The following SLC27A1 variants were observed in gnomAD, a reference collection of about 807,000 sequenced individuals.
SLC27A1 encodes the protein long-chain fatty acid transport protein 1.
A neutral mutation model predicts 62.2 loss-of-function variants in SLC27A1; 61 were observed. The observed-to-expected ratio is 0.98, with a 90% CI of 0.80 to 1.21. The LOEUF (loss-of-function observed/expected upper bound fraction) is 1.21, where lower values mean the gene tolerates loss of function less well. Among genes scored for constraint, SLC27A1 ranks in the 50% most tolerant of loss-of-function variants. SLC27A1 has a pLI of 0.00. For missense variants in SLC27A1, 903 were observed against 932.1 expected, an observed-to-expected ratio of 0.97 and a Z score of 0.41; for synonymous variants, 435 against 408.6, an observed-to-expected ratio of 1.06 and a Z score of -0.78.
At chr19:17,484,256 A>G (rs1335850920) in intron 1 of SLC27A1, 1 of 152,206 alleles carries the variant, frequency 6.6e-6, no homozygotes, top group African/African-American at 2.4e-5. Flanking sequence ...AGAGGTAATA[A>G]ATGAACAAAG....
chr19:17,504,321 G>A, intron 11 of SLC27A1, 134 bp from the exon 12 acceptor site: 1 of 1,155,386 alleles, frequency 8.7e-7, no homozygotes, highest in Non-Finnish European at 1.2e-6. Flanking sequence ...GAATCAGGCA[G>A]GCAAAATGGG....
At chr19:17,477,062 T>C (rs1026755478) in intron 1 of SLC27A1, among the ~76,000 whole-genome samples, 2 of 151,658 alleles carry the variant, frequency 1.3e-5, no homozygotes, top group African/African-American at 2.4e-5. Flanking sequence ...CTAATTTTTG[T>C]ATTTTTAGTA....
Position 17,490,747 on chromosome 19 carries a change from G to T in SLC27A1, c.996+1630G>T, listed in dbSNP as rs529692716. On this transcript the variant is annotated intron_variant, in intron 6 of 11. Coordinates refer to ENST00000252595, the MANE Select transcript of SLC27A1 (RefSeq NM_198580.3). ...TAGCCATATTAAAGTGAAAAATTTG[G>T]CCAGGCACAGTGGCTCACGCCTGTA... Among the ~76,000 whole-genome samples the T allele has an allele frequency of 4.6e-5, 7 of 152,210 alleles. No individual in the cohort carries two copies. The East Asian group carries it at 9.6e-4, about 21-fold the overall frequency.
Position 17,501,362 on chromosome 19 carries a change from C to T in SLC27A1, c.1726C>T (p.Leu576=), listed in dbSNP as rs2075410676. Residue 576 remains leucine, a synonymous_variant, in exon 11 of 12, where the codon CTG becomes TTG. Transcript: ENST00000252595. ...GATATACCAGGAGCTGCAGAAGGTG[C>T]TGGCACCCTATGCCCGGCCCATCTT... ...NAIYQELQKV[L]APYARPIFLR... is the part of the protein sequence containing the mutation. The T allele has an allele frequency of 6.2e-7, 1 of 1,613,852 alleles. No individual in the cohort carries two copies. The highest frequency in any genetic ancestry group is 8.5e-7 in the Non-Finnish European group (1 of 1,179,988).
chr19:17,480,199 T>G (rs1857513377), intron 1 of SLC27A1, among the ~76,000 whole-genome samples: 2 of 151,596 alleles, frequency 1.3e-5, no homozygotes, highest in East Asian at 1.9e-4. Flanking sequence ...GGCTAATTTT[T>G]GTATTTTTAG....
At position 17,501,132 on chromosome 19, in the gene SLC27A1, T is replaced by G; in HGVS notation, c.1637-141T>G. ...AGCCAAGCAGGAGCTCCACAAAATG[T>G]GTGGCTGCTTCCATAAATGTCATCC... On this transcript the variant is annotated intron_variant, in intron 10 of 11. Transcript: ENST00000252595. The G allele has an allele frequency of 1.5e-6, 2 of 1,298,178 alleles. 1 individual carries two copies. Among genetic ancestry groups the G allele is most frequent in the Non-Finnish European group, 2.1e-6 (2 of 953,898 alleles). The allele number at this position is 1,298,178 out of a possible 1,614,324, so 80.4% of individuals were successfully genotyped here. A position where few individuals can be genotyped will look rare whatever the true frequency, so the allele number is the denominator to read the frequency against.
At chr19:17,503,568 T>G (rs957430960) in intron 11 of SLC27A1, 1 of 151,504 alleles carries the variant, frequency 6.6e-6, no homozygotes, top group African/African-American at 2.4e-5. Flanking sequence ...CAAGTGATTC[T>G]CCCACCTCAG....
chr19:17,493,558 A>G lies in SLC27A1; in HGVS notation c.997-3697A>G, dbSNP rs114984842. 5.7e-3 allele frequency among the ~76,000 whole-genome samples: 866 copies of G among 151,640 alleles called. 9 individuals are homozygous for G. Among genetic ancestry groups the G allele is most frequent in the African/African-American group, 0.019 (805 of 41,330 alleles). On this transcript the variant is annotated intron_variant, in intron 6 of 11. Coordinates refer to ENST00000252595, the MANE Select transcript of SLC27A1 (RefSeq NM_198580.3). Reference sequence around the variant, plus strand: ...ATCTCATGAGAAACTGCTCACTGCTATTTTATCTGTAGCAGCAGTTGCAGT... The same window carrying G: ...ATCTCATGAGAAACTGCTCACTGCTGTTTTATCTGTAGCAGCAGTTGCAGT...
chr19:17,491,882 A>T lies in SLC27A1; in HGVS notation c.996+2765A>T, dbSNP rs77313807. 6.6e-5 allele frequency among the ~76,000 whole-genome samples: 10 copies of T among 152,106 alleles called. No individual in the cohort carries two copies. The East Asian group carries it at 1.2e-3, about 18-fold the overall frequency. ...GAGCAAGCCCCTATCTCAAAAAAAT[A>T]AAAAAAAGAAAAGAAAAGAAAAGAA... On this transcript the variant is annotated intron_variant, in intron 6 of 11. Transcript: ENST00000252595.
At position 17,488,992 on chromosome 19, in the gene SLC27A1, A is replaced by T; in HGVS notation, c.887-16A>T. On this transcript the variant is annotated splice_polypyrimidine_tract_variant and intron_variant, in intron 5 of 11. Coordinates refer to ENST00000252595, the MANE Select transcript of SLC27A1 (RefSeq NM_198580.3). ...GGTGGGGGCGGGGGACCCCTTACCA[A>T]GGCCACCCTCTGCAGGAAACATCAT... The T allele has an allele frequency of 6.2e-7, 1 of 1,613,832 alleles. No individual in the cohort carries two copies. The highest frequency in any genetic ancestry group is 8.5e-7 in the Non-Finnish European group (1 of 1,179,884).
Position 17,500,861 on chromosome 19 carries a change from G to T in SLC27A1, c.1621G>T (p.Gly541Trp). 6.2e-7 allele frequency: 1 copy of T among 1,608,252 alleles called. No individual in the cohort carries two copies. Among genetic ancestry groups the T allele is most frequent in the Non-Finnish European group, 8.5e-7 (1 of 1,178,146 alleles). Residue 541 changes from glycine to tryptophan, a missense_variant, in exon 10 of 12, where the codon GGG becomes TGG. Physicochemically the swap from Gly to Trp is radical, Grantham distance 184 (BLOSUM62 -2). Coordinates refer to ENST00000252595, the MANE Select transcript of SLC27A1 (RefSeq NM_198580.3). ...GGGCCAGACAGACGTGGCCGTCTATGGGGTGGCTGTTCCAGGCAAGCTGGG... is the reference window on the plus strand; with the variant it reads ...GGGCCAGACAGACGTGGCCGTCTATTGGGTGGCTGTTCCAGGCAAGCTGGG... ...LLGQTDVAVY[G>W]VAVPGVEGKA...
At chr19:17,483,061 TGAAGGAGGGAATGAATGAATGAGG>T (rs1239260036) in intron 1 of SLC27A1, among the ~76,000 whole-genome samples, 64 of 148,716 alleles carry the variant, frequency 4.3e-4, no homozygotes, top group African/African-American at 1.1e-3. Flanking sequence ...AGGGAACGAG[TGAAGGAGGGAATGAATGAATGAGG>T]GAAGGAGGGA....
chr19:17,486,028 C>T lies in SLC27A1; in HGVS notation c.168-535C>T, dbSNP rs2075225954. Among the ~76,000 whole-genome samples, 2 of 152,150 alleles carry T rather than the reference C, an allele frequency of 1.3e-5. No homozygotes were observed. The highest frequency in any genetic ancestry group is 4.8e-5 in the African/African-American group (2 of 41,442). The stretch of plus-strand genomic sequence containing the variant: ...TGGGCTTGGCATTGGTCCTTACACC[C>T]CCCATCCACTGGCACATCTCCTGGC... On this transcript the variant is annotated intron_variant, in intron 1 of 11. Transcript: ENST00000252595. This position sits in a 1 kb window ranked among gnomAD's most constrained non-coding sequence, Gnocchi z 6.6.
chr19:17,481,381 A>G (rs1002812355), intron 1 of SLC27A1, among the ~76,000 whole-genome samples: 2 of 148,628 alleles, frequency 1.3e-5, no homozygotes, highest in African/African-American at 5.0e-5. Context: ...CAGTGGCGCA[A>G]TCTCGGCTCA....
At position 17,488,989 on chromosome 19, in the gene SLC27A1, C is replaced by A. The variant is rs2075266788; in HGVS notation, c.887-19C>A. On this transcript the variant is annotated intron_variant, in intron 5 of 11. Transcript: ENST00000252595. ...GTGGGTGGGGGCGGGGGACCCCTTA[C>A]CAAGGCCACCCTCTGCAGGAAACAT... 1 of 1,613,934 alleles carries A rather than the reference C, an allele frequency of 6.2e-7. No homozygotes were observed. The highest frequency in any genetic ancestry group is 8.5e-7 in the Non-Finnish European group (1 of 1,179,904).
intron 6 of SLC27A1, among the ~76,000 whole-genome samples, chr19:17,493,144 G>C (rs1417362962): frequency 6.8e-6 from 1 of 146,210 alleles, no homozygotes. Flanking sequence ...AAGAAAAATA[G>C]AGGACAGGGC....
At chr19:17,476,340 A>G (rs148942229) in intron 1 of SLC27A1, among the ~76,000 whole-genome samples, 3,523 of 152,216 alleles carry the variant, frequency 0.023, 131 homozygotes, top group African/African-American at 0.078. Context: ...GTTCGAGACT[A>G]GCCTGGCCAA....
Position 17,504,558 on chromosome 19 carries a change from G to C in SLC27A1, c.1887G>C (p.Leu629=), listed in dbSNP as rs777414505. The change falls in exon 12 of 12, where the codon CTG becomes CTC. Residue 629 remains leucine, a synonymous_variant. Coordinates refer to ENST00000252595, the MANE Select transcript of SLC27A1 (RefSeq NM_198580.3). ...TGGACCTGAAGCAGGGCCACTACCT[G>C]CCCTTAAATGAGGCAGTCTACACTC... ...FFLDLKQGHY[L]PLNEAVYTRI... 6.2e-7 allele frequency: 1 copy of C among 1,614,164 alleles called. No individual in the cohort carries two copies. The highest frequency in any genetic ancestry group is 8.5e-7 in the Non-Finnish European group (1 of 1,180,028).
Position 17,500,370 on chromosome 19 carries a change from G to A in SLC27A1, c.1299G>A (p.Arg433=). 1 of 1,614,164 alleles carries A rather than the reference G, an allele frequency of 6.2e-7. No individual in the cohort carries two copies. The highest frequency in any genetic ancestry group is 8.5e-7 in the Non-Finnish European group (1 of 1,180,008). Residue 433 remains arginine, a synonymous_variant, in exon 8 of 12, where the codon CGG becomes CGA. Transcript: ENST00000252595. ...KVNEDTMELL[R]DAQGLCIPCQ... is the part of the protein sequence containing the mutation. The stretch of plus-strand genomic sequence containing the variant: ...ATGAGGACACAATGGAGCTGCTGCG[G>A]GATGCCCAGGGCCTCTGCATCCCCT...
Sources: allele counts gnomAD v4.1 joint callset (sites outside exome capture counted in the v4.1 genomes callset), GRCh38; gene constraint gnomAD v4.1.1; non-coding constraint Gnocchi (gnomAD v3.1); transcripts MANE v1.5; gene names NCBI Gene and HGNC (gene_info 2026-07-23, HGNC 2026-07-21).